The following MYH3 variants were observed in gnomAD, a reference collection of about 807,000 sequenced individuals.
MYH3 encodes myosin-3.
In MYH3, 130 loss-of-function variants were observed where a neutral mutation model predicts 238.0. That is an observed-to-expected ratio of 0.55 (90% confidence interval 0.47 to 0.63). The LOEUF is 0.63. MYH3 is among the 30% of genes least tolerant of loss of function. MYH3 has a pLI of 0.00. For synonymous variants in MYH3, 880 were observed against 924.1 expected (o/e 0.95, Z 0.86); for missense variants, 1,853 against 2,374.9 (o/e 0.78, Z 4.57).
chr17:10,643,099 A>C, intron 14 of MYH3, 103 bp from the exon 15 acceptor site: 1 of 1,584,636 alleles, frequency 6.3e-7, no homozygotes, highest in Non-Finnish European at 8.6e-7. Flanking sequence ...CAAACACATT[A>C]ATGCTTTCAA....
upstream of MYH3, among the ~76,000 whole-genome samples, chr17:10,659,432 T>G (rs918456041): frequency 6.6e-6 from 1 of 152,348 alleles, no homozygotes; most frequent in African/African-American, 2.4e-5. Context: ...TCCTAGAGTG[T>G]TCAGCTGTGA....
At chr17:10,676,456 G>T in the MYH3 span, 1 of 152,166 alleles carries the variant, frequency 6.6e-6, no homozygotes, top group African/African-American at 2.4e-5. Flanking sequence ...AATGGGCTGG[G>T]GTGGCAGTGG....
At chr17:10,629,456 G>A (rs1597479695) in intron 40 of MYH3, 141 bp downstream of exon 40, 1 of 1,066,464 alleles carries the variant, frequency 9.4e-7, no homozygotes, top group Non-Finnish European at 1.4e-6. Flanking sequence ...CGAGGGTCCA[G>A]TCAGCTAAGT....
At chr17:10,633,951 C>A (rs148603186) in intron 32 of MYH3, 66 bp downstream of exon 32, 2 of 1,587,370 alleles carry the variant, frequency 1.3e-6, no homozygotes, top group Non-Finnish European at 1.7e-6. Context: ...GCCACACCCA[C>A]GCCAGCATGC....
At chr17:10,629,815 G>A (rs1179954639) in intron 39 of MYH3, 27 bp downstream of exon 39, 9 of 1,613,888 alleles carry the variant, frequency 5.6e-6, no homozygotes, top group Non-Finnish European at 7.6e-6. Context: ...CGGTCTGCCT[G>A]CCGCAGTCAG....
rs916891210 is a variant in MYH3, at chr17:10,649,688, G to A, written c.534-3C>T. ...TCTTTCCTGCCCCGGATTCTCCGCT[G>A]TACAGAGTGATCAAAAGAGAGAGAA... On this transcript the variant is annotated splice_region_variant and splice_polypyrimidine_tract_variant and intron_variant, in intron 6 of 40. Transcript: ENST00000583535. The A allele has an allele frequency of 6.2e-7, 1 of 1,613,338 alleles. No homozygotes were observed. The highest frequency in any genetic ancestry group is 8.5e-7 in the Non-Finnish European group (1 of 1,179,234).
the MYH3 span, among the ~76,000 whole-genome samples, chr17:10,664,393 T>C: frequency 2.0e-5 from 3 of 152,276 alleles, no homozygotes; most frequent in East Asian, 3.9e-4. Flanking sequence ...AGGATTATAA[T>C]GGAGTCCGGT....
the MYH3 span, among the ~76,000 whole-genome samples, chr17:10,669,172 T>C: frequency 0.21 from 31,590 of 152,102 alleles, 3,463 homozygotes; most frequent in Non-Finnish European, 0.25. Flanking sequence ...AATAGCATCT[T>C]TTAGGATTAC....
the MYH3 span, among the ~76,000 whole-genome samples, chr17:10,671,460 G>C: frequency 1.6e-4 from 24 of 151,614 alleles, no homozygotes; most frequent in African/African-American, 5.3e-4. Flanking sequence ...CATTCTTTTA[G>C]TGTTTTGTCA....
At chr17:10,677,627 A>G in the MYH3 span, 2 of 152,330 alleles carry the variant, frequency 1.3e-5, no homozygotes, top group South Asian at 4.1e-4. Context: ...AGTAAATCTC[A>G]CCTCTTACAC....
chr17:10,654,993 C>A lies in MYH3; in HGVS notation c.72G>T (p.Arg24Ser). Residue 24 changes from arginine to serine, a missense_variant, in exon 3 of 41, where the codon AGG (arginine) becomes AGT (serine). Arg to Ser is a moderately radical substitution (Grantham distance 110). Transcript: ENST00000583535. The surrounding 1 kb of genome is among the most constrained non-coding windows in gnomAD (Gnocchi z 4.5). ...CAAAGGGCTGGTTCTGAGCCTCGATCCTCTCCTTTTCTGACTTCCGGAGGA... is the reference window on the plus strand; with the variant it reads ...CAAAGGGCTGGTTCTGAGCCTCGATACTCTCCTTTTCTGACTTCCGGAGGA... ...APFLRKSEKERIEAQNQPFDA... is the reference protein window; with the variant it reads ...APFLRKSEKESIEAQNQPFDA... 2 of 1,614,208 alleles carry A rather than the reference C, an allele frequency of 1.2e-6. No homozygotes were observed. The highest frequency in any genetic ancestry group is 8.5e-7 in the Non-Finnish European group (1 of 1,180,022).
At chr17:10,661,793 G>C (rs2074482062), upstream of MYH3, among the ~76,000 whole-genome samples, 1 of 152,124 alleles carries the variant, frequency 6.6e-6, no homozygotes, top group Non-Finnish European at 1.5e-5. Flanking sequence ...ATGGCTCCTG[G>C]ATCAAGAGCG....
intron 12 of MYH3, 49 bp from the exon 13 acceptor site, chr17:10,644,751 G>A (rs919000220): frequency 8.4e-6 from 12 of 1,427,396 alleles, no homozygotes; most frequent in Non-Finnish European, 1.2e-5. Flanking sequence ...GAGCTGCTTT[G>A]AAAATCATCC....
intron 38 of MYH3, 43 bp from the exon 39 acceptor site, chr17:10,629,980 A>T: frequency 1.2e-6 from 2 of 1,609,760 alleles, no homozygotes; most frequent in South Asian, 1.1e-5. Context: ...AGGAGGGGGC[A>T]GATTTGCACA....
intron 36 of MYH3, among the ~76,000 whole-genome samples, chr17:10,630,891 G>A (rs1442278227): frequency 6.6e-6 from 1 of 152,052 alleles, no homozygotes; most frequent in Non-Finnish European, 1.5e-5. Context: ...AAGGACAACG[G>A]GTGAGACTGT....
intron 26 of MYH3, 72 bp from the exon 27 acceptor site, chr17:10,638,504 G>A (rs1597485440): frequency 1.9e-6 from 3 of 1,584,734 alleles, no homozygotes; most frequent in East Asian, 4.5e-5. Context: ...AGAACAGGCT[G>A]GTTTCCCTTC....
At chr17:10,653,222 A>G (rs1201253114) in intron 3 of MYH3, among the ~76,000 whole-genome samples, 1 of 152,154 alleles carries the variant, frequency 6.6e-6, no homozygotes, top group Non-Finnish European at 1.5e-5. Flanking sequence ...AGTCAGTAAC[A>G]CTGCCTGGAC....
rs1189921311 is a variant in MYH3 at position 10,644,622 on chromosome 17, C to T, written c.1222G>A (p.Gly408Arg). Residue 408 changes from glycine to arginine, a missense_variant, in exon 13 of 41, where the codon GGG (glycine) becomes AGG (arginine). Physicochemically the swap from Gly to Arg is moderately radical, Grantham distance 125 (BLOSUM62 -2). Transcript: ENST00000583535. ...KALCFPRVKV[G>R]NEYVTKGQTV... ...TGACCTTTGGTAACGTACTCATTCC[C>T]AACTTTCACTCTAGGAAAGCACAAA... The T allele has an allele frequency of 6.2e-7, 1 of 1,614,170 alleles. No homozygotes were observed. Among genetic ancestry groups the T allele is most frequent in the Middle Eastern group, 1.6e-4 (1 of 6,062 alleles).
At chr17:10,655,208 G>T in intron 2 of MYH3, 136 bp from the exon 3 acceptor site, 1 of 735,310 alleles carries the variant, frequency 1.4e-6, no homozygotes, top group Non-Finnish European at 2.4e-6. Context: ...GAACCAGGCT[G>T]TCCTCATGCC....
Sources: gnomAD v4.1 joint callset for allele counts (sites outside exome capture counted in the v4.1 genomes callset) on GRCh38, gnomAD v4.1.1 for gene constraint, Gnocchi (gnomAD v3.1) non-coding constraint, MANE v1.5 for transcripts, NCBI Gene and HGNC (gene_info 2026-07-23, HGNC 2026-07-21) for gene names.